FBXO28: variants seen among roughly 807,000 people sequenced by gnomAD.
FBXO28 encodes F-box only protein 28.
In FBXO28, 8 loss-of-function variants were observed where a neutral mutation model predicts 38.1. The ratio of observed to expected loss-of-function variants is 0.21; its 90% confidence interval spans 0.12 to 0.38. The LOEUF (loss-of-function observed/expected upper bound fraction) is 0.38. Among genes scored for constraint, FBXO28 ranks in the 10% least tolerant of loss-of-function variants. FBXO28 has a pLI of 1.00. For synonymous variants in FBXO28, 168 were observed against 173.8 expected (o/e 0.97, Z 0.26); for missense variants, 345 against 460.6 (o/e 0.75, Z 2.30).
At chr1:224,140,814 C>T (rs979102659) in intron 3 of FBXO28, among the ~76,000 whole-genome samples, 4 of 151,920 alleles carry the variant, frequency 2.6e-5, no homozygotes, top group African/African-American at 7.3e-5. Context: ...AGCATGGTGG[C>T]ACGTGCCTGT....
chr1:224,145,780 G>A (rs780348059), intron 3 of FBXO28, among the ~76,000 whole-genome samples: 3 of 151,918 alleles, frequency 2.0e-5, no homozygotes, highest in African/African-American at 4.8e-5. Context: ...AAAATTATCC[G>A]GGCATGGGCC....
intron 4 of FBXO28, 42 bp from the exon 5 acceptor site, chr1:224,157,310 G>A (rs7543762): frequency 1 from 1,534,403 of 1,535,844 alleles, 766,490 homozygotes; most frequent in East Asian, 1. Context: ...CTGGTAGAGA[G>A]ACATTTTAAG....
chr1:224,116,831 C>T (rs1656654245), intron 1 of FBXO28, among the ~76,000 whole-genome samples: 1 of 152,074 alleles, frequency 6.6e-6, no homozygotes, highest in Admixed American at 6.5e-5. Flanking sequence ...TCTTTGCTTC[C>T]TCTTACCATG....
chr1:224,132,787 A>C (rs1358317728), intron 2 of FBXO28, among the ~76,000 whole-genome samples: 1 of 148,480 alleles, frequency 6.7e-6, no homozygotes, highest in Admixed American at 6.8e-5. Flanking sequence ...CCTGGGCGAC[A>C]GAGTGAGCCC....
chr1:224,155,997 GA>G (rs1432065332), intron 4 of FBXO28, among the ~76,000 whole-genome samples: 1 of 152,216 alleles, frequency 6.6e-6, no homozygotes, highest in Non-Finnish European at 1.5e-5. Flanking sequence ...TGGCTGGTCT[GA>G]TGGAAACATC....
intron 3 of FBXO28, among the ~76,000 whole-genome samples, chr1:224,135,084 G>T (rs1657142190): frequency 6.6e-6 from 1 of 152,052 alleles, no homozygotes; most frequent in Admixed American, 6.6e-5. Context: ...AAATATTTTG[G>T]TATATCTCAC....
At chr1:224,114,432 C>G in intron 1 of FBXO28, 36 bp downstream of exon 1, 2 of 1,447,458 alleles carry the variant, frequency 1.4e-6, no homozygotes, top group South Asian at 1.3e-5. Context: ...TCCCTCTCCC[C>G]CCGGCCGAGG....
intron 3 of FBXO28, among the ~76,000 whole-genome samples, chr1:224,145,940 C>G (rs1657493516): frequency 6.6e-6 from 1 of 151,944 alleles, no homozygotes; most frequent in South Asian, 2.1e-4. Context: ...GTGGTGCAAG[C>G]GTGTAATCCC....
Position 224,160,402 on chromosome 1 carries a change from A to T in FBXO28, c.*2656A>T, listed in dbSNP as rs1029300575. 4 of 152,176 alleles carry T rather than the reference A, an allele frequency of 2.6e-5. No individual in the cohort carries two copies. The highest frequency in any genetic ancestry group is 7.2e-5 in the African/African-American group (3 of 41,456). 9.4% of individuals were successfully genotyped at this position (152,176 alleles called of 1,614,324 possible). A position where few individuals can be genotyped will look rare whatever the true frequency, so the allele number is the denominator to read the frequency against. On this transcript the variant is annotated 3_prime_UTR_variant, in exon 5 of 5. Coordinates refer to ENST00000366862, the MANE Select transcript of FBXO28 (RefSeq NM_015176.4). Reference sequence around the variant, plus strand: ...GCTGTTTTTCAGAGGAGACGTCTCCATGTTAATGGGTCCTTCCCACATAGA... The same window carrying T: ...GCTGTTTTTCAGAGGAGACGTCTCCTTGTTAATGGGTCCTTCCCACATAGA...
At position 224,125,274 on chromosome 1, in the gene FBXO28, C is replaced by T. The variant is rs139931794; in HGVS notation, c.268-5198C>T. On this transcript the variant is annotated intron_variant, in intron 1 of 4. Transcript: ENST00000366862. ...GGAAGCTGGAACTACAGGCTCATGC[C>T]TCTGTACCTGGCTATGCTTAAAATC... 2.6e-5 allele frequency among the ~76,000 whole-genome samples: 4 copies of T among 152,170 alleles called. No homozygotes were observed. The East Asian group carries it at 7.7e-4, about 29-fold the overall frequency.
At chr1:224,119,548 TTCCAG>T (rs1465667369) in intron 1 of FBXO28, among the ~76,000 whole-genome samples, 2 of 152,156 alleles carry the variant, frequency 1.3e-5, no homozygotes, top group Admixed American at 6.6e-5. Context: ...CAGTTCGTTC[TTCCAG>T]TTCTCACAAA....
chr1:224,139,341 T>C (rs1657282338), intron 3 of FBXO28, among the ~76,000 whole-genome samples: 1 of 151,834 alleles, frequency 6.6e-6, no homozygotes. Context: ...TCTTGTAATT[T>C]CAAGTTTACA....
At chr1:224,118,349 G>A (rs12408708) in intron 1 of FBXO28, among the ~76,000 whole-genome samples, 24,108 of 152,052 alleles carry the variant, frequency 0.16, 2,604 homozygotes, top group Non-Finnish European at 0.22. Flanking sequence ...AATTTTACCT[G>A]CCCTACAGGA....
rs1401730616 is a variant in FBXO28 at position 224,160,478 on chromosome 1, T to C, written c.*2732T>C. On this transcript the variant is annotated 3_prime_UTR_variant, in exon 5 of 5. Transcript: ENST00000366862. ...ACATGGATAGCAATGTGAAAAGGCA[T>C]GCCTAAGAGACAGAAACGGCTGACC... 6.6e-6 allele frequency: 1 copy of C among 152,138 alleles called. No homozygotes were observed. Among genetic ancestry groups the C allele is most frequent in the Non-Finnish European group, 1.5e-5 (1 of 68,020 alleles). 9.4% of individuals were successfully genotyped at this position (152,138 alleles called of 1,614,324 possible).
Position 224,114,145 on chromosome 1 carries a change from G to C in FBXO28, c.16G>C (p.Glu6Gln). The C allele has an allele frequency of 6.5e-7, 1 of 1,543,022 alleles. No individual in the cohort carries two copies. Among genetic ancestry groups the C allele is most frequent in the African/African-American group, 1.4e-5 (1 of 72,892 alleles). Residue 6 changes from glutamate to glutamine, a missense_variant, in exon 1 of 5, where the codon GAG (glutamate) becomes CAG (glutamine). Glu to Gln is a conservative substitution (Grantham distance 29). Around this residue, in one of 6 missense-constraint regions of FBXO28, gnomAD observed 104 missense variants for 82.0 expected, o/e 1.27. Coordinates refer to ENST00000366862, the MANE Select transcript of FBXO28 (RefSeq NM_015176.4). MAAAA[E>Q]ERMAEEGGGG... ...AGCCCCCAAGATGGCGGCAGCGGCG[G>C]AGGAGCGGATGGCAGAGGAAGGAGG...
chr1:224,143,259 TC>T (rs1308265323), intron 3 of FBXO28, among the ~76,000 whole-genome samples: 2 of 151,832 alleles, frequency 1.3e-5, no homozygotes, highest in Non-Finnish European at 2.9e-5. Context: ...AAAAATCAGT[TC>T]CCGGCCAGGG....
chr1:224,118,237 C>T (rs1443154397), intron 1 of FBXO28, among the ~76,000 whole-genome samples: 1 of 151,602 alleles, frequency 6.6e-6, no homozygotes, highest in Non-Finnish European at 1.5e-5. Context: ...AGACGTGAGC[C>T]ACTGCACAGT....
Position 224,157,453 on chromosome 1 carries a change from G to A in FBXO28, c.814G>A (p.Gly272Ser). 6.2e-7 allele frequency: 1 copy of A among 1,614,218 alleles called. No individual in the cohort carries two copies. The highest frequency in any genetic ancestry group is 8.5e-7 in the Non-Finnish European group (1 of 1,180,044). Residue 272 changes from glycine to serine, a missense_variant, in exon 5 of 5, where the codon GGT (glycine) becomes AGT (serine). This residue lies in a region of FBXO28 where 151 missense variants were observed against 188.3 expected (regional missense o/e 0.80). Coordinates refer to ENST00000366862, the MANE Select transcript of FBXO28 (RefSeq NM_015176.4). ...TKLQQQVKTN[G>S]AGVTVLRREI... Reference sequence around the variant, plus strand: ...ACTCCAGCAGCAGGTTAAAACAAATGGTGCTGGCGTGACTGTTCTCAGGCG... The same window carrying A: ...ACTCCAGCAGCAGGTTAAAACAAATAGTGCTGGCGTGACTGTTCTCAGGCG...
In FBXO28 at chr1:224,161,817, G is replaced by T. The variant is rs1186513550; in HGVS notation, c.*4071G>T. ...TAGAAGTATATTGGTAATCTATTAG[G>T]TCCATTGGCAAAGTATATTGGTCCA... On this transcript the variant is annotated 3_prime_UTR_variant, in exon 5 of 5. Transcript: ENST00000366862. The T allele has an allele frequency of 6.6e-6, 1 of 152,136 alleles. No homozygotes were observed. The highest frequency in any genetic ancestry group is 2.1e-4 in the South Asian group (1 of 4,822). 9.4% of individuals were successfully genotyped at this position (152,136 alleles called of 1,614,324 possible). A position where few individuals can be genotyped will look rare whatever the true frequency, so the allele number is the denominator to read the frequency against.
Sources: gnomAD v4.1 joint callset for allele counts (sites outside exome capture counted in the v4.1 genomes callset) on GRCh38, gnomAD v4.1.1 for gene constraint, gnomAD v4.1.1 regional missense constraint, MANE v1.5 for transcripts, NCBI Gene and HGNC (gene_info 2026-07-23, HGNC 2026-07-21) for gene names.